Variants in ARK2N observed in about 807,000 individuals in gnomAD.
ARK2N encodes protein ARK2N.
chr18:46,260,700 G>A, the ARK2N span, among the ~76,000 whole-genome samples: 2 of 152,230 alleles, frequency 1.3e-5, no homozygotes, highest in East Asian at 1.9e-4. Context: ...CTTCTTTGCC[G>A]CTTATTGAAT....
chr18:46,184,324 A>C, the ARK2N span, among the ~76,000 whole-genome samples: 1 of 152,102 alleles, frequency 6.6e-6, no homozygotes, highest in Non-Finnish European at 1.5e-5. Context: ...GGGTTTCAGC[A>C]TGTTGGCTAG....
At chr18:46,207,714 A>T in the ARK2N span, among the ~76,000 whole-genome samples, 1 of 152,176 alleles carries the variant, frequency 6.6e-6, no homozygotes, top group East Asian at 1.9e-4. Flanking sequence ...CTGCAGGTGT[A>T]CATTGATTTA....
the ARK2N span, among the ~76,000 whole-genome samples, chr18:46,177,364 T>A: frequency 6.6e-6 from 1 of 151,696 alleles, no homozygotes; most frequent in Non-Finnish European, 1.5e-5. Flanking sequence ...GAGATCAGCC[T>A]GGGCAACATA....
At chr18:46,192,731 G>A in the ARK2N span, among the ~76,000 whole-genome samples, 1 of 151,572 alleles carries the variant, frequency 6.6e-6, no homozygotes, top group Non-Finnish European at 1.5e-5. Flanking sequence ...CACCATGCCT[G>A]GCTAATTTTT....
chr18:46,264,114 G>C, the ARK2N span: 1 of 152,378 alleles, frequency 6.6e-6, no homozygotes, highest in Non-Finnish European at 1.5e-5. Context: ...CTGTATTTGG[G>C]TATTTTTCTC....
chr18:46,224,281 G>C, the ARK2N span, among the ~76,000 whole-genome samples: 1 of 152,078 alleles, frequency 6.6e-6, no homozygotes, highest in African/African-American at 2.4e-5. Flanking sequence ...TGTATGGCAT[G>C]CATTTTAACA....
the ARK2N span, among the ~76,000 whole-genome samples, chr18:46,174,755 G>C: frequency 6.6e-6 from 1 of 152,204 alleles, no homozygotes; most frequent in African/African-American, 2.4e-5. Flanking sequence ...GCAACTTTCC[G>C]GCTCCTAGGC....
the ARK2N span, chr18:46,253,606 C>T: frequency 1.8e-5 from 27 of 1,460,200 alleles, no homozygotes; most frequent in Admixed American, 2.2e-4. Context: ...TGTGACTAAA[C>T]CTAGATGACA....
At chr18:46,240,220 G>A in the ARK2N span, 1 of 1,610,312 alleles carries the variant, frequency 6.2e-7, no homozygotes, top group Non-Finnish European at 8.5e-7. Context: ...CTCTAACGGT[G>A]TAATATGCAT....
chr18:46,236,303 G>C, the ARK2N span, among the ~76,000 whole-genome samples: 1 of 152,204 alleles, frequency 6.6e-6, no homozygotes, highest in African/African-American at 2.4e-5. Context: ...ATGAGGCACT[G>C]TGCCCAGCCA....
At chr18:46,258,736 A>C in the ARK2N span, among the ~76,000 whole-genome samples, 20 of 152,218 alleles carry the variant, frequency 1.3e-4, no homozygotes, top group Non-Finnish European at 2.1e-4. Context: ...ATTAAAAACC[A>C]GCTGAGTATG....
the ARK2N span, among the ~76,000 whole-genome samples, chr18:46,204,840 A>T: frequency 6.6e-6 from 1 of 152,034 alleles, no homozygotes; most frequent in Non-Finnish European, 1.5e-5. Flanking sequence ...GTAACAGCAG[A>T]TGACTTTTGC....
chr18:46,217,345 G>T, the ARK2N span: 2 of 152,214 alleles, frequency 1.3e-5, no homozygotes, highest in South Asian at 4.1e-4. Context: ...AGATTTCATA[G>T]TGGAAGAAAG....
At chr18:46,211,698 T>C in the ARK2N span, among the ~76,000 whole-genome samples, 1 of 152,120 alleles carries the variant, frequency 6.6e-6, no homozygotes, top group African/African-American at 2.4e-5. Context: ...AGATGAGCTC[T>C]AGTACTCATG....
chr18:46,247,517 T>G, the ARK2N span, among the ~76,000 whole-genome samples: 1 of 152,230 alleles, frequency 6.6e-6, no homozygotes, highest in Non-Finnish European at 1.5e-5. Context: ...GAGGAAGAGT[T>G]TGGTTATAGT....
the ARK2N span, among the ~76,000 whole-genome samples, chr18:46,174,491 G>T: frequency 6.6e-6 from 1 of 152,062 alleles, no homozygotes; most frequent in Non-Finnish European, 1.5e-5. Context: ...CTGGCTGGTG[G>T]GCGCCGGGAA....
At chr18:46,186,401 G>A in the ARK2N span, among the ~76,000 whole-genome samples, 2 of 151,592 alleles carry the variant, frequency 1.3e-5, no homozygotes, top group Admixed American at 1.3e-4. Context: ...TCACCATGTC[G>A]GCCAGGATGG....
the ARK2N span, among the ~76,000 whole-genome samples, chr18:46,253,113 G>A: frequency 3.3e-5 from 5 of 152,264 alleles, no homozygotes; most frequent in African/African-American, 1.2e-4. Context: ...GTAGTTTTGG[G>A]TCAGATTTTG....
the ARK2N span, among the ~76,000 whole-genome samples, chr18:46,262,079 T>G: frequency 6.6e-6 from 1 of 152,186 alleles, no homozygotes; most frequent in Non-Finnish European, 1.5e-5. Context: ...GTCAGGAAGT[T>G]TAGATGAGAG....
Sources: allele counts gnomAD v4.1 joint callset (sites outside exome capture counted in the v4.1 genomes callset), GRCh38; gene constraint gnomAD v4.1.1; transcripts MANE v1.5; gene names NCBI Gene and HGNC (gene_info 2026-07-23, HGNC 2026-07-21).